Variants in CBFB observed in about 807,000 individuals in gnomAD.
CBFB encodes CBF-beta.
A neutral mutation model predicts 30.4 loss-of-function variants in CBFB; 9 were observed. The ratio of observed to expected loss-of-function variants is 0.30; its 90% CI spans 0.18 to 0.52. The LOEUF (loss-of-function observed/expected upper bound fraction) is 0.52. Among genes scored for constraint, CBFB ranks in the 20% least tolerant of loss-of-function variants. The pLI, the probability that CBFB is intolerant of heterozygous loss-of-function variation, is 0.97. For missense variants in CBFB, 170 were observed against 244.0 expected (o/e 0.70, Z 2.02); for synonymous variants, 94 against 84.0 (o/e 1.12, Z -0.65).
rs530416998 is a variant in CBFB at position 67,063,780 on chromosome 16, A to AT, written c.283-2895dup. Among the ~76,000 whole-genome samples the AT allele has an allele frequency of 1.3e-4, 20 of 152,182 alleles. No homozygotes were observed. The East Asian group carries it at 2.1e-3, about 16-fold the overall frequency. On this transcript the variant is annotated intron_variant, in intron 3 of 5. Coordinates refer to ENST00000412916, the MANE Select transcript of CBFB (RefSeq NM_022845.3). ...CTATTTTAAAGGTATCTCAGAGGTA[A>AT]TTTTTTTATCATGTTTATAATTATT...
At position 67,095,813 on chromosome 16, in the gene CBFB, C is replaced by A. The variant is rs1245774798; in HGVS notation, c.496-2897C>A. 9.1e-4 allele frequency among the ~76,000 whole-genome samples: 138 copies of A among 151,664 alleles called. 1 individual carries two copies. Among genetic ancestry groups the A allele is most frequent in the Non-Finnish European group, 1.5e-5 (1 of 67,958 alleles). On this transcript the variant is annotated intron_variant, in intron 5 of 5. Transcript: ENST00000412916. Reference sequence around the variant, plus strand: ...GTTCACGCGATCCTCCTGCCTCAGACTCCCGAGTATCTGGGAATACAGGCG... The same window carrying A: ...GTTCACGCGATCCTCCTGCCTCAGAATCCCGAGTATCTGGGAATACAGGCG...
At chr16:67,043,723 A>T (rs538687386) in intron 3 of CBFB, among the ~76,000 whole-genome samples, 1 of 152,390 alleles carries the variant, frequency 6.6e-6, no homozygotes, top group Non-Finnish European at 1.5e-5. Context: ...AATTAAATGT[A>T]GTACCAGAAT....
intron 4 of CBFB, among the ~76,000 whole-genome samples, chr16:67,076,453 G>T (rs920676986): frequency 2.0e-5 from 3 of 152,042 alleles, no homozygotes; most frequent in Admixed American, 1.3e-4. Context: ...TACAAAATCA[G>T]GTAAAACCAA....
At chr16:67,058,668 C>T (rs955491509) in intron 3 of CBFB, among the ~76,000 whole-genome samples, 3 of 151,970 alleles carry the variant, frequency 2.0e-5, no homozygotes, top group Non-Finnish European at 4.4e-5. Flanking sequence ...AGGAAACTTA[C>T]AAGAAAAAAA....
chr16:67,055,531 T>G (rs576150129), intron 3 of CBFB, among the ~76,000 whole-genome samples: 16 of 151,894 alleles, frequency 1.1e-4, no homozygotes, highest in African/African-American at 3.9e-4. Flanking sequence ...TTTTTTTGTA[T>G]TTTTTTAGTA....
Position 67,029,259 on chromosome 16 carries a change from G to C in CBFB, c.-149G>C, listed in dbSNP as rs1476626521. ...GGCGGCGCCTCAGACTCCCCGGAAC[G>C]GGAGCCCACGCGGGCGGGCGCCTGA... On this transcript the variant is annotated 5_prime_UTR_variant, in exon 1 of 6. Coordinates refer to ENST00000412916, the MANE Select transcript of CBFB (RefSeq NM_022845.3). 1 of 420,952 alleles carries C rather than the reference G, an allele frequency of 2.4e-6. No individual in the cohort carries two copies. The highest frequency in any genetic ancestry group is 2.1e-5 in the African/African-American group (1 of 47,066). The allele number at this position is 420,952 out of a possible 1,614,324, so 26.1% of individuals were successfully genotyped here.
At chr16:67,074,743 AACTTGAACAGGAC>A (rs1252410697) in intron 4 of CBFB, among the ~76,000 whole-genome samples, 1 of 152,182 alleles carries the variant, frequency 6.6e-6, no homozygotes, top group African/African-American at 2.4e-5. Context: ...AGTAGGCAAA[AACTTGAACAGGAC>A]ACAAAAGATG....
intron 3 of CBFB, among the ~76,000 whole-genome samples, chr16:67,041,357 G>T (rs1215403702): frequency 6.6e-6 from 1 of 152,182 alleles, no homozygotes; most frequent in Non-Finnish European, 1.5e-5. Context: ...CAGTAATCTT[G>T]GTGAGAGACC....
At chr16:67,062,563 G>C (rs1282148306) in intron 3 of CBFB, among the ~76,000 whole-genome samples, 1 of 151,664 alleles carries the variant, frequency 6.6e-6, no homozygotes, top group East Asian at 2.0e-4. Context: ...AGGCCAAGGC[G>C]GGCGGATCAC....
chr16:67,038,446 A>C (rs911552474), intron 3 of CBFB, among the ~76,000 whole-genome samples: 4 of 151,952 alleles, frequency 2.6e-5, no homozygotes, highest in African/African-American at 7.2e-5. Flanking sequence ...ATTAGATTTG[A>C]TCTTTTGTGC....
intron 3 of CBFB, among the ~76,000 whole-genome samples, chr16:67,049,930 T>G (rs1398313883): frequency 6.6e-6 from 1 of 152,034 alleles, no homozygotes; most frequent in African/African-American, 2.4e-5. Flanking sequence ...CTGAGGAAAC[T>G]GAGGCCAGGA....
chr16:67,031,658 A>C (rs1269775782), intron 2 of CBFB, among the ~76,000 whole-genome samples: 1 of 151,850 alleles, frequency 6.6e-6, no homozygotes, highest in Non-Finnish European at 1.5e-5. Flanking sequence ...TTACAGGCAC[A>C]CACCACCACG....
intron 4 of CBFB, among the ~76,000 whole-genome samples, chr16:67,081,155 G>A (rs1597154680): frequency 8.4e-6 from 1 of 119,524 alleles, no homozygotes; most frequent in East Asian, 2.5e-4. Context: ...AGTCCCCAGA[G>A]TGTGATGTTC....
intron 3 of CBFB, among the ~76,000 whole-genome samples, chr16:67,056,601 C>T (rs370924605): frequency 4.8e-4 from 73 of 151,748 alleles, no homozygotes; most frequent in Non-Finnish European, 8.8e-4. Flanking sequence ...GTAAACATCC[C>T]GTGTAACATG....
intron 4 of CBFB, among the ~76,000 whole-genome samples, chr16:67,081,418 A>C (rs1403813884): frequency 6.6e-6 from 1 of 152,028 alleles, no homozygotes; most frequent in Non-Finnish European, 1.5e-5. Context: ...ACCAACCCAG[A>C]TGTCCAACAA....
At chr16:67,034,366 T>C (rs958929105) in intron 2 of CBFB, among the ~76,000 whole-genome samples, 5 of 152,232 alleles carry the variant, frequency 3.3e-5, no homozygotes, top group South Asian at 2.1e-4. Flanking sequence ...ATCTTAAATA[T>C]AGGCGTCATA....
chr16:67,050,219 A>G (rs1966715352), intron 3 of CBFB, among the ~76,000 whole-genome samples: 1 of 147,854 alleles, frequency 6.8e-6, no homozygotes, highest in Non-Finnish European at 1.5e-5. Flanking sequence ...TATAATTTAT[A>G]TATCACATAT....
At chr16:67,089,530 C>T (rs1266444876) in intron 5 of CBFB, among the ~76,000 whole-genome samples, 1 of 152,212 alleles carries the variant, frequency 6.6e-6, no homozygotes, top group Non-Finnish European at 1.5e-5. Flanking sequence ...CTTGCTATCT[C>T]TATTCTCTGG....
chr16:67,058,128 G>GGTTGTTGTTGTTGTTGTTGTT (rs59958780), intron 3 of CBFB, among the ~76,000 whole-genome samples: 1 of 151,320 alleles, frequency 6.6e-6, no homozygotes, highest in Admixed American at 6.6e-5. Context: ...TATTCAAATC[G>GGTTGTTGTTGTTGTTGTTGTT]GTTGTTGTTG....
Sources: gnomAD v4.1 joint callset for allele counts (sites outside exome capture counted in the v4.1 genomes callset) on GRCh38, gnomAD v4.1.1 for gene constraint, MANE v1.5 for transcripts, NCBI Gene and HGNC (gene_info 2026-07-23, HGNC 2026-07-21) for gene names.